Variants in BMAL1 observed in about 807,000 individuals in gnomAD.
BMAL1 encodes basic helix-loop-helix ARNT-like protein 1.
the BMAL1 span, among the ~76,000 whole-genome samples, chr11:13,317,880 C>G: frequency 2.6e-5 from 4 of 152,170 alleles, no homozygotes; most frequent in Non-Finnish European, 5.9e-5. Flanking sequence ...ACTGTCTACC[C>G]CCTGGCTGCA....
the BMAL1 span, among the ~76,000 whole-genome samples, chr11:13,344,303 C>T: frequency 3.9e-5 from 6 of 152,228 alleles, no homozygotes; most frequent in Non-Finnish European, 8.8e-5. Context: ...ACGCCTTCCT[C>T]AAGACACTTG....
At chr11:13,313,337 T>C in the BMAL1 span, among the ~76,000 whole-genome samples, 1 of 152,262 alleles carries the variant, frequency 6.6e-6, no homozygotes, top group East Asian at 1.9e-4. Context: ...CCTCCCTGGG[T>C]GAGCTCATCC....
the BMAL1 span, among the ~76,000 whole-genome samples, chr11:13,315,357 C>T: frequency 3.3e-5 from 5 of 152,216 alleles, no homozygotes; most frequent in African/African-American, 1.2e-4. Flanking sequence ...GATAAGAAGG[C>T]TAGGTCTTGT....
the BMAL1 span, among the ~76,000 whole-genome samples, chr11:13,344,081 A>G: frequency 2.2e-3 from 333 of 152,226 alleles, 1 homozygote; most frequent in African/African-American, 7.8e-3. Context: ...ACCACTGCAT[A>G]TAGTGCTGTC....
the BMAL1 span, chr11:13,360,546 C>T: frequency 2.6e-6 from 2 of 774,586 alleles, no homozygotes; most frequent in South Asian, 1.8e-5. Context: ...CTTCCTCTCT[C>T]AGGTCCCTCC....
chr11:13,333,835 C>T, the BMAL1 span, among the ~76,000 whole-genome samples: 10 of 152,216 alleles, frequency 6.6e-5, no homozygotes, highest in Non-Finnish European at 1.0e-4. Flanking sequence ...GAACAAAGGT[C>T]GGTAGGCATG....
chr11:13,335,312 C>T, the BMAL1 span, among the ~76,000 whole-genome samples: 1 of 152,148 alleles, frequency 6.6e-6, no homozygotes, highest in African/African-American at 2.4e-5. Context: ...CTGTCTATTC[C>T]TTCTCTTATT....
chr11:13,358,447 C>G, the BMAL1 span: 3 of 1,595,700 alleles, frequency 1.9e-6, no homozygotes, highest in Non-Finnish European at 2.6e-6. Context: ...AGCTCACAGT[C>G]AGATTGAAAA....
chr11:13,328,665 G>A, the BMAL1 span, among the ~76,000 whole-genome samples: 1 of 152,208 alleles, frequency 6.6e-6, no homozygotes, highest in African/African-American at 2.4e-5. Context: ...TGGATTTTGG[G>A]TGCCAGAACT....
chr11:13,349,020 T>G, the BMAL1 span, among the ~76,000 whole-genome samples: 1 of 152,116 alleles, frequency 6.6e-6, no homozygotes, highest in African/African-American at 2.4e-5. Context: ...GGGGTGACCC[T>G]TTTCTTCCTT....
the BMAL1 span, among the ~76,000 whole-genome samples, chr11:13,292,320 A>G: frequency 4.1e-4 from 62 of 152,078 alleles, no homozygotes; most frequent in Admixed American, 6.5e-4. Flanking sequence ...CGAGGCAGGC[A>G]GATCACGAGG....
chr11:13,356,373 GA>G, the BMAL1 span: 259 of 500,508 alleles, frequency 5.2e-4, 1 homozygote, highest in African/African-American at 5.0e-3. Flanking sequence ...TATCCAGAAT[GA>G]TGGGGGGGGA....
At chr11:13,360,477 G>GT in the BMAL1 span, 11 of 1,524,544 alleles carry the variant, frequency 7.2e-6, no homozygotes, top group East Asian at 2.3e-5. Flanking sequence ...AAATTTTCAA[G>GT]TAAGTACCAG....
At chr11:13,349,987 A>G in the BMAL1 span, 1 of 152,206 alleles carries the variant, frequency 6.6e-6, no homozygotes, top group Non-Finnish European at 1.5e-5. Context: ...ATTATAAAAC[A>G]TGAAAATCGC....
chr11:13,351,532 T>C, the BMAL1 span, among the ~76,000 whole-genome samples: 2 of 152,188 alleles, frequency 1.3e-5, no homozygotes, highest in African/African-American at 4.8e-5. Flanking sequence ...GCAGTGTTGA[T>C]AGTATTTGAA....
the BMAL1 span, chr11:13,374,274 C>G: frequency 7.2e-7 from 1 of 1,381,408 alleles, no homozygotes; most frequent in Non-Finnish European, 1.0e-6. Flanking sequence ...CATGACCTTC[C>G]AGGGAAATCT....
the BMAL1 span, among the ~76,000 whole-genome samples, chr11:13,294,383 T>C: frequency 1.6e-5 from 2 of 128,478 alleles, no homozygotes; most frequent in South Asian, 5.9e-4. Flanking sequence ...CTCATCTCCT[T>C]CTCTGTGGTT....
the BMAL1 span, chr11:13,357,123 A>C: frequency 6.2e-7 from 1 of 1,613,760 alleles, no homozygotes. The surrounding 1 kb of genome is among the most constrained non-coding windows in gnomAD (Gnocchi z 4.8). Context: ...TTTTGTCTAC[A>C]AAGCATCCTA....
At chr11:13,314,586 T>C in the BMAL1 span, among the ~76,000 whole-genome samples, 1 of 152,194 alleles carries the variant, frequency 6.6e-6, no homozygotes, top group Non-Finnish European at 1.5e-5. Context: ...GCTCTTGTTT[T>C]TGATGGACCG....
Sources: gnomAD v4.1 joint callset for allele counts (sites outside exome capture counted in the v4.1 genomes callset) on GRCh38, gnomAD v4.1.1 for gene constraint, Gnocchi (gnomAD v3.1) non-coding constraint, MANE v1.5 for transcripts, NCBI Gene and HGNC (gene_info 2026-07-23, HGNC 2026-07-21) for gene names.